Variants in USH2A observed in about 807,000 individuals in gnomAD.
The protein encoded by USH2A is usherin, also known as Usher syndrome 2A (autosomal recessive, mild).
A neutral mutation model predicts 538.9 loss-of-function variants in USH2A; 443 were observed. That is an observed-to-expected ratio of 0.82 (90% CI 0.76 to 0.89). The LOEUF is 0.89. USH2A is among the 40% of genes least tolerant of loss of function. The probability of loss-of-function intolerance (pLI) is 0.00; values close to 1 mark genes in which losing one functional copy is unlikely to be tolerated. For synonymous variants in USH2A, 2,413 were observed against 2,273.5 expected, an observed-to-expected ratio of 1.06 and a Z score of -1.75; for missense variants, 6,633 against 6,324.8, an observed-to-expected ratio of 1.05 and a Z score of -1.65.
intron 61 of USH2A, among the ~76,000 whole-genome samples, chr1:215,722,601 C>T (rs1659693543): frequency 6.6e-6 from 1 of 152,170 alleles, no homozygotes; most frequent in African/African-American, 2.4e-5. Context: ...ACTACCTCCT[C>T]CTTGACATTG....
chr1:215,823,398 G>T (rs567981727), intron 47 of USH2A, among the ~76,000 whole-genome samples: 4 of 151,988 alleles, frequency 2.6e-5, no homozygotes, highest in Non-Finnish European at 5.9e-5. Context: ...CTGTTGAGTA[G>T]ACTGTTGCCA....
At chr1:215,755,755 C>T (rs1660774811) in intron 58 of USH2A, among the ~76,000 whole-genome samples, 1 of 152,034 alleles carries the variant, frequency 6.6e-6, no homozygotes, top group Non-Finnish European at 1.5e-5. Context: ...CTAGGCTGGA[C>T]CAGAATGAAC....
chr1:215,708,290 GC>G (rs1279554096), intron 61 of USH2A, among the ~76,000 whole-genome samples: 1 of 152,130 alleles, frequency 6.6e-6, no homozygotes, highest in African/African-American at 2.4e-5. Flanking sequence ...CAAGAGGGAA[GC>G]ATTTTTGTCT....
chr1:215,921,967 C>A (rs190266605), intron 38 of USH2A, among the ~76,000 whole-genome samples: 50 of 152,154 alleles, frequency 3.3e-4, no homozygotes, highest in Non-Finnish European at 1.0e-4. Flanking sequence ...TAATTTTTCT[C>A]TAGATACTGG....
chr1:216,211,439 T>C (rs2035239107), intron 15 of USH2A, among the ~76,000 whole-genome samples: 1 of 152,180 alleles, frequency 6.6e-6, no homozygotes. Context: ...TGTTCAACTA[T>C]GTTGATGGTG....
chr1:216,233,223 T>C (rs2035736502), intron 13 of USH2A, among the ~76,000 whole-genome samples: 1 of 152,056 alleles, frequency 6.6e-6, no homozygotes, highest in Non-Finnish European at 1.5e-5. Context: ...CCCCGCTCAG[T>C]CCATTGCAGT....
chr1:215,806,148 A>G (rs1408426450), intron 49 of USH2A, among the ~76,000 whole-genome samples: 1 of 151,958 alleles, frequency 6.6e-6, no homozygotes, highest in East Asian at 1.9e-4. Context: ...TCTATCAAAA[A>G]CCCTTCTAAT....
intron 21 of USH2A, among the ~76,000 whole-genome samples, chr1:216,163,890 G>C (rs553552287): frequency 6.6e-6 from 1 of 151,828 alleles, no homozygotes; most frequent in African/African-American, 2.4e-5. Flanking sequence ...CTTATATCTA[G>C]GATCTTGATC....
chr1:216,078,743 G>A (rs1020376004), intron 26 of USH2A, among the ~76,000 whole-genome samples: 5 of 152,074 alleles, frequency 3.3e-5, no homozygotes, highest in African/African-American at 1.2e-4. Flanking sequence ...TTTAGAAAAT[G>A]AGAAAATACT....
chr1:216,312,274 G>A lies in USH2A; in HGVS notation c.1644+9609C>T, dbSNP rs576955722. On this transcript the variant is annotated intron_variant, in intron 9 of 71. Coordinates refer to ENST00000307340, the MANE Select transcript of USH2A (RefSeq NM_206933.4). Reference sequence around the variant, plus strand: ...AATTCTTATCTTTGCTTTTTCATAGGCTAGATGTTCCCCCTTCAGCCAGGC... The same window carrying A: ...AATTCTTATCTTTGCTTTTTCATAGACTAGATGTTCCCCCTTCAGCCAGGC... Among the ~76,000 whole-genome samples the A allele has an allele frequency of 9.9e-4, 150 of 151,856 alleles. 1 individual carries two copies. The highest frequency in any genetic ancestry group is 3.5e-3 in the African/African-American group (144 of 41,442).
intron 38 of USH2A, among the ~76,000 whole-genome samples, chr1:215,904,956 G>C (rs1238525616): frequency 6.6e-6 from 1 of 151,904 alleles, no homozygotes; most frequent in Admixed American, 6.6e-5. Flanking sequence ...TACGCCACTG[G>C]ACTCTCATCT....
At chr1:215,883,998 C>G (rs1028594949) in intron 41 of USH2A, among the ~76,000 whole-genome samples, 1 of 152,036 alleles carries the variant, frequency 6.6e-6, no homozygotes, top group African/African-American at 2.4e-5. Flanking sequence ...TGTTCCCACT[C>G]GTAAGTGGGA....
chr1:216,409,922 C>G (rs999469838), intron 3 of USH2A, among the ~76,000 whole-genome samples: 1 of 152,058 alleles, frequency 6.6e-6, no homozygotes, highest in Non-Finnish European at 1.5e-5. Flanking sequence ...ACAGAGTGAA[C>G]AGATAACCTA....
At chr1:215,648,255 T>A (rs1178580237) in intron 66 of USH2A, among the ~76,000 whole-genome samples, 1 of 152,156 alleles carries the variant, frequency 6.6e-6, no homozygotes, top group Non-Finnish European at 1.5e-5. Context: ...TACGAACACA[T>A]TGCATTGTCT....
At chr1:216,227,664 T>C (rs1169943319) in intron 14 of USH2A, among the ~76,000 whole-genome samples, 1 of 152,116 alleles carries the variant, frequency 6.6e-6, no homozygotes, top group Admixed American at 6.5e-5. Context: ...TGTGTGACAA[T>C]GTAGACAAGC....
chr1:215,824,079 A>C (rs1663089697), intron 47 of USH2A, among the ~76,000 whole-genome samples: 1 of 152,022 alleles, frequency 6.6e-6, no homozygotes, highest in Non-Finnish European at 1.5e-5. Flanking sequence ...CCCTGTTTAA[A>C]GAAGTTGTAT....
At chr1:215,992,894 A>G (rs2102476500) in intron 35 of USH2A, 126 bp downstream of exon 35, 4 of 1,461,202 alleles carry the variant, frequency 2.7e-6, no homozygotes, top group Non-Finnish European at 3.8e-6. Flanking sequence ...CAATGATACT[A>G]TCTTAGGTAT....
chr1:215,976,963 G>T (rs894859348), intron 35 of USH2A, among the ~76,000 whole-genome samples: 1 of 151,100 alleles, frequency 6.6e-6, no homozygotes, highest in Non-Finnish European at 1.5e-5. Context: ...GTGGAATTTG[G>T]GTGTGAATCC....
rs548090647 is a variant in USH2A, at chr1:215,627,187, G to A, written c.15520-1317C>T. 7.1e-4 allele frequency among the ~76,000 whole-genome samples: 108 copies of A among 152,224 alleles called. 1 individual carries two copies. The highest frequency in any genetic ancestry group is 2.5e-3 in the African/African-American group (102 of 41,536). On this transcript the variant is annotated intron_variant, in intron 71 of 71. Transcript: ENST00000307340. ...TGCTATTAGTCAAGAAAGGCTTCAT[G>A]GAAGTCATCAACTTTTCAGTGAAGG...
Sources: gnomAD v4.1 joint callset for allele counts (sites outside exome capture counted in the v4.1 genomes callset) on GRCh38, gnomAD v4.1.1 for gene constraint, MANE v1.5 for transcripts, NCBI Gene and HGNC (gene_info 2026-07-23, HGNC 2026-07-21) for gene names.